Variants in CEP41 observed in about 807,000 individuals in gnomAD.
The protein encoded by CEP41 is centrosomal protein of 41 kDa.
CEP41 carries 32 observed loss-of-function variants against 44.3 expected under a neutral mutation model. That is an observed-to-expected ratio of 0.72 (90% CI 0.54 to 0.97). The LOEUF is 0.97. Ranked by LOEUF, CEP41 falls within the 50% of genes least tolerant of loss-of-function variation. The probability of loss-of-function intolerance (pLI) is 0.00; values close to 1 mark genes in which losing one functional copy is unlikely to be tolerated. For synonymous variants in CEP41, 151 were observed against 168.5 expected (o/e 0.90, Z 0.80); for missense variants, 432 against 455.2 (o/e 0.95, Z 0.46).
intron 8 of CEP41, 94 bp downstream of exon 8, chr7:130,401,787 C>A (rs781890013): frequency 9.4e-6 from 8 of 846,570 alleles, no homozygotes; most frequent in Non-Finnish European, 1.4e-5. Context: ...ATCAAAGGTC[C>A]TTCACAGCAT....
At chr7:130,438,158 C>T (rs954725616) in intron 1 of CEP41, among the ~76,000 whole-genome samples, 12 of 152,194 alleles carry the variant, frequency 7.9e-5, no homozygotes, top group Non-Finnish European at 1.2e-4. Context: ...TCACCCATCA[C>T]GCATCTCTCA....
chr7:130,408,280 T>C (rs1030705184), intron 5 of CEP41, among the ~76,000 whole-genome samples: 37 of 152,242 alleles, frequency 2.4e-4, no homozygotes, highest in African/African-American at 6.5e-4. Context: ...TTTTACTTAA[T>C]ATAGCCTGGA....
At chr7:130,417,889 G>A (rs1248916256) in intron 2 of CEP41, among the ~76,000 whole-genome samples, 1 of 152,168 alleles carries the variant, frequency 6.6e-6, no homozygotes, top group African/African-American at 2.4e-5. Context: ...TCAGATAAAA[G>A]AAATGCTTTC....
intron 2 of CEP41, chr7:130,419,564 C>G (rs1797438194): frequency 1.0e-6 from 1 of 984,100 alleles, no homozygotes; most frequent in Admixed American, 6.2e-5. Context: ...AAAGACTATC[C>G]AAGAACCAAT....
In CEP41 at chr7:130,393,960, C is replaced by T. The variant is rs897470312; in HGVS notation, c.*4931G>A. ...TGTCTTCAAGATAAGACAGCAGACACAGGCGGTGGAAATGTGGAAATACGC... is the reference window on the plus strand; with the variant it reads ...TGTCTTCAAGATAAGACAGCAGACATAGGCGGTGGAAATGTGGAAATACGC... On this transcript the variant is annotated 3_prime_UTR_variant, in exon 11 of 11. Transcript: ENST00000223208. 4 of 453,998 alleles carry T rather than the reference C, an allele frequency of 8.8e-6. No homozygotes were observed. Among genetic ancestry groups the T allele is most frequent in the African/African-American group, 8.0e-5 (4 of 49,982 alleles). The allele number at this position is 453,998 out of a possible 1,614,324, so 28.1% of individuals were successfully genotyped here.
intron 5 of CEP41, among the ~76,000 whole-genome samples, chr7:130,410,029 C>CTT (rs782636525): frequency 1.4e-5 from 2 of 139,890 alleles, no homozygotes; most frequent in Non-Finnish European, 3.1e-5. Flanking sequence ...CCTCGGTCTT[C>CTT]TTTTTTTTTT....
At position 130,397,237 on chromosome 7, in the gene CEP41, T is replaced by C; in HGVS notation, c.*1654A>G. 2.2e-6 allele frequency: 1 copy of C among 454,540 alleles called. No individual in the cohort carries two copies. Among genetic ancestry groups the C allele is most frequent in the Non-Finnish European group, 4.4e-6 (1 of 226,784 alleles). The allele number at this position is 454,540 out of a possible 1,614,324, so 28.2% of individuals were successfully genotyped here. A position where few individuals can be genotyped will look rare whatever the true frequency, so the allele number is the denominator to read the frequency against. On this transcript the variant is annotated 3_prime_UTR_variant, in exon 11 of 11. Coordinates refer to ENST00000223208, the MANE Select transcript of CEP41 (RefSeq NM_018718.3). Reference sequence around the variant, plus strand: ...AACATGACAGGCTCCTCATTAAAGCTATGTGTACGTTGGCTGAATTTTATA... The same window carrying C: ...AACATGACAGGCTCCTCATTAAAGCCATGTGTACGTTGGCTGAATTTTATA...
At chr7:130,436,457 T>C (rs1405298524) in intron 1 of CEP41, among the ~76,000 whole-genome samples, 1 of 152,198 alleles carries the variant, frequency 6.6e-6, no homozygotes, top group Admixed American at 6.5e-5. Context: ...ATGCAATAGT[T>C]CTTTATCTTG....
chr7:130,419,822 T>G, intron 2 of CEP41: 1 of 985,300 alleles, frequency 1.0e-6, no homozygotes, highest in South Asian at 4.7e-5. Flanking sequence ...AAGAGCTCAC[T>G]CAGCAGGAAG....
At position 130,398,213 on chromosome 7, in the gene CEP41, T is replaced by C. The variant is rs1459415491; in HGVS notation, c.*678A>G. The C allele has an allele frequency of 4.4e-6, 2 of 453,956 alleles. No individual in the cohort carries two copies. Among genetic ancestry groups the C allele is most frequent in the African/African-American group, 2.0e-5 (1 of 50,016 alleles). The allele number at this position is 453,956 out of a possible 1,614,324, so 28.1% of individuals were successfully genotyped here. A position where few individuals can be genotyped will look rare whatever the true frequency, so the allele number is the denominator to read the frequency against. ...GTGTGAAGACACCCACATGCATACC[T>C]TTCTGGCTCCAGGAAATATCTAGTA... On this transcript the variant is annotated 3_prime_UTR_variant, in exon 11 of 11. Transcript: ENST00000223208.
At position 130,395,878 on chromosome 7, in the gene CEP41, G is replaced by GT. The variant is rs1446682158; in HGVS notation, c.*3012dup. The GT allele has an allele frequency of 6.9e-6, 3 of 432,350 alleles. No homozygotes were observed. Among genetic ancestry groups the GT allele is most frequent in the Non-Finnish European group, 1.4e-5 (3 of 220,648 alleles). 26.8% of individuals were successfully genotyped at this position (432,350 alleles called of 1,614,324 possible). The stretch of plus-strand genomic sequence containing the variant: ...TGCTGGTCCTGGCTAACCACTAAAG[G>GT]TTAAAAAAAAAAAAAAAGATAAAAG... On this transcript the variant is annotated 3_prime_UTR_variant, in exon 11 of 11. Transcript: ENST00000223208.
intron 1 of CEP41, among the ~76,000 whole-genome samples, chr7:130,429,275 G>A (rs552215246): frequency 6.8e-4 from 103 of 152,268 alleles, no homozygotes; most frequent in African/African-American, 2.3e-3. Flanking sequence ...ATCTGCTCTC[G>A]TGGCAGCTGA....
In CEP41 at chr7:130,397,913, A is replaced by C; in HGVS notation, c.*978T>G. On this transcript the variant is annotated 3_prime_UTR_variant, in exon 11 of 11. Transcript: ENST00000223208. Reference sequence around the variant, plus strand: ...GAAATTGCACTAATTACTCAATTAGACTAATACTGTATTTCTAAGCAAGGG... The same window carrying C: ...GAAATTGCACTAATTACTCAATTAGCCTAATACTGTATTTCTAAGCAAGGG... The C allele has an allele frequency of 2.2e-6, 1 of 454,516 alleles. No homozygotes were observed. Among genetic ancestry groups the C allele is most frequent in the Non-Finnish European group, 4.4e-6 (1 of 226,744 alleles). The allele number at this position is 454,516 out of a possible 1,614,324, so 28.2% of individuals were successfully genotyped here. A position where few individuals can be genotyped will look rare whatever the true frequency, so the allele number is the denominator to read the frequency against.
Position 130,396,352 on chromosome 7 carries a change from G to A in CEP41, c.*2539C>T, listed in dbSNP as rs1796657155. On this transcript the variant is annotated 3_prime_UTR_variant, in exon 11 of 11. Coordinates refer to ENST00000223208, the MANE Select transcript of CEP41 (RefSeq NM_018718.3). ...GAAAAGAAATCCAGGCTTTCTGACT[G>A]GAGAGCTGAGGCCCCCTGCCCTAAT... The A allele has an allele frequency of 2.2e-6, 1 of 453,906 alleles. No individual in the cohort carries two copies. Among genetic ancestry groups the A allele is most frequent in the East Asian group, 6.9e-5 (1 of 14,402 alleles). The allele number at this position is 453,906 out of a possible 1,614,324, so 28.1% of individuals were successfully genotyped here.
chr7:130,430,501 G>GT (rs1797792652), intron 1 of CEP41, among the ~76,000 whole-genome samples: 1 of 152,182 alleles, frequency 6.6e-6, no homozygotes. Flanking sequence ...CTATGAGAAA[G>GT]TAACTATAAT....
chr7:130,408,026 G>GT (rs1797065941), intron 5 of CEP41, among the ~76,000 whole-genome samples: 1 of 152,130 alleles, frequency 6.6e-6, no homozygotes, highest in Non-Finnish European at 1.5e-5. Context: ...AAAAATGCAA[G>GT]TAAGATTAAA....
At chr7:130,440,024 T>A (rs1798096408) in intron 1 of CEP41, among the ~76,000 whole-genome samples, 1 of 152,222 alleles carries the variant, frequency 6.6e-6, no homozygotes, top group South Asian at 2.1e-4. Flanking sequence ...ATTTATTGTT[T>A]ATTTTTATTT....
At chr7:130,421,013 A>G in intron 2 of CEP41, 1 of 978,106 alleles carries the variant, frequency 1.0e-6, no homozygotes, top group African/African-American at 1.7e-5. Context: ...CAACCTATAA[A>G]TGTATAAGGT....
chr7:130,414,957 C>T (rs782305056), intron 3 of CEP41, among the ~76,000 whole-genome samples: 1 of 152,154 alleles, frequency 6.6e-6, no homozygotes, highest in African/African-American at 2.4e-5. Flanking sequence ...AAGTCTGTCT[C>T]TCTCGAGTTA....
Sources: gnomAD v4.1 joint callset for allele counts (sites outside exome capture counted in the v4.1 genomes callset) on GRCh38, gnomAD v4.1.1 for gene constraint, MANE v1.5 for transcripts, NCBI Gene and HGNC (gene_info 2026-07-23, HGNC 2026-07-21) for gene names.